Variants in RBM20 observed in about 807,000 individuals in gnomAD.
RBM20 encodes the protein RNA binding motif protein 20.
Under a neutral mutation model 110.1 loss-of-function variants are expected in RBM20, and 51 were observed. The ratio of observed to expected loss-of-function variants is 0.46; its 90% CI spans 0.37 to 0.59. The LOEUF (loss-of-function observed/expected upper bound fraction) is 0.59. Among genes scored for constraint, RBM20 ranks in the 20% least tolerant of loss-of-function variants. RBM20 has a pLI of 0.00. For missense variants in RBM20, 1,512 were observed against 1,574.9 expected (o/e 0.96, Z 0.68); for synonymous variants, 589 against 618.2 (o/e 0.95, Z 0.70).
chr10:110,673,214 T>A (rs4284340), intron 1 of RBM20, among the ~76,000 whole-genome samples: 4,121 of 152,174 alleles, frequency 0.027, 201 homozygotes, highest in African/African-American at 0.094. Context: ...TTTTTTCTTT[T>A]TTTTTCCTTT....
chr10:110,736,506 A>G (rs943041952), intron 1 of RBM20, among the ~76,000 whole-genome samples: 2 of 152,158 alleles, frequency 1.3e-5, no homozygotes, highest in East Asian at 1.9e-4. Flanking sequence ...CTTGGGAGAG[A>G]AAATTTAAAT....
intron 8 of RBM20, 58 bp from the exon 9 acceptor site, chr10:110,812,220 G>C: frequency 7.1e-7 from 1 of 1,406,754 alleles, no homozygotes; most frequent in Non-Finnish European, 9.6e-7. Flanking sequence ...TCTGTGTGTG[G>C]GTGGGGTGGG....
At chr10:110,790,641 C>A (rs190239277) in intron 5 of RBM20, among the ~76,000 whole-genome samples, 34 of 152,304 alleles carry the variant, frequency 2.2e-4, no homozygotes, top group African/African-American at 6.7e-4. Context: ...CAGATAACGT[C>A]ATACAATCTG....
At chr10:110,827,300 G>A (rs1415125672) in intron 12 of RBM20, among the ~76,000 whole-genome samples, 1 of 152,116 alleles carries the variant, frequency 6.6e-6, no homozygotes, top group East Asian at 1.9e-4. Flanking sequence ...AGGATTGCTT[G>A]AACCTGGGAG....
Position 110,737,193 on chromosome 10 carries a change from A to AAAAAAAAAAAC in RBM20, c.192-43604_192-43603insAAAAAACAAAA, listed in dbSNP as rs796374212. On this transcript the variant is annotated intron_variant, in intron 1 of 13. Coordinates refer to ENST00000369519, the MANE Select transcript of RBM20 (RefSeq NM_001134363.3). ...ACTCTGCCTCAAAAAAAAAAAAAAA[A>AAAAAAAAAAAC]AAAACACCCCACACACACACTCAAA... 4.0e-4 allele frequency among the ~76,000 whole-genome samples: 47 copies of AAAAAAAAAAAC among 116,506 alleles called. 2 individuals are homozygous for AAAAAAAAAAAC. Among genetic ancestry groups the AAAAAAAAAAAC allele is most frequent in the East Asian group, 8.0e-4 (3 of 3,754 alleles). 76.4% of individuals were successfully genotyped at this position (116,506 alleles called of 152,430 possible). A position where few individuals can be genotyped will look rare whatever the true frequency, so the allele number is the denominator to read the frequency against.
At chr10:110,677,545 C>T (rs1472016697) in intron 1 of RBM20, among the ~76,000 whole-genome samples, 1 of 152,142 alleles carries the variant, frequency 6.6e-6, no homozygotes. Flanking sequence ...GTCCCTATCT[C>T]CTGACCTCGT....
chr10:110,745,048 G>A (rs930412696), intron 1 of RBM20, among the ~76,000 whole-genome samples: 3 of 152,198 alleles, frequency 2.0e-5, no homozygotes, highest in Non-Finnish European at 4.4e-5. Flanking sequence ...CACTCTCCTC[G>A]TGGTTACTGT....
intron 1 of RBM20, among the ~76,000 whole-genome samples, chr10:110,736,442 A>C (rs750674368): frequency 6.6e-6 from 1 of 152,176 alleles, no homozygotes; most frequent in Admixed American, 6.5e-5. Flanking sequence ...TTTAAATTTT[A>C]TACACTTTTT....
intron 1 of RBM20, among the ~76,000 whole-genome samples, chr10:110,668,616 A>G (rs1320878715): frequency 1.3e-5 from 2 of 152,102 alleles, no homozygotes; most frequent in East Asian, 3.8e-4. Context: ...GGAAAAAAAA[A>G]ACTGAACAAG....
chr10:110,796,781 A>C (rs1230566403), intron 5 of RBM20, among the ~76,000 whole-genome samples: 1 of 152,066 alleles, frequency 6.6e-6, no homozygotes, highest in Non-Finnish European at 1.5e-5. Flanking sequence ...ATATCAGCAC[A>C]TTTACCTCCT....
In RBM20 at chr10:110,675,829, C is replaced by T. The variant is rs1008334822; in HGVS notation, c.191+31184C>T. On this transcript the variant is annotated intron_variant, in intron 1 of 13. Transcript: ENST00000369519. Reference sequence around the variant, plus strand: ...TATGAAAAAGGAAGAATATTTACCTCAGGTTGTTGGGAGCATTAAATGTGA... The same window carrying T: ...TATGAAAAAGGAAGAATATTTACCTTAGGTTGTTGGGAGCATTAAATGTGA... Among the ~76,000 whole-genome samples, 5 of 152,258 alleles carry T rather than the reference C, an allele frequency of 3.3e-5. No individual in the cohort carries two copies. In the Middle Eastern group the frequency reaches 0.01, roughly 311 times the overall value.
rs1312389931 is a variant in RBM20, at chr10:110,821,658, T to A, written c.3039T>A (p.Ser1013Arg). The A allele has an allele frequency of 6.4e-7, 1 of 1,551,700 alleles. No individual in the cohort carries two copies. ...ATGCTGAGCGGAAGCCAGCTGAAAG[T>A]GAGACAGGCCTCTCCCTGGAGGATT... The part of the protein sequence containing the change: ...NLDAERKPAE[S>R]ETGLSLEDSD... Residue 1013 changes from serine to arginine, a missense_variant, in exon 11 of 14, where the codon AGT (serine) becomes AGA (arginine). Transcript: ENST00000369519.
chr10:110,769,503 C>T (rs957796715), intron 1 of RBM20, among the ~76,000 whole-genome samples: 1 of 152,100 alleles, frequency 6.6e-6, no homozygotes, highest in Non-Finnish European at 1.5e-5. Flanking sequence ...GTTCCCTGAA[C>T]CTTGAGTGTT....
intron 1 of RBM20, among the ~76,000 whole-genome samples, chr10:110,672,523 C>A (rs1029916916): frequency 3.9e-5 from 6 of 152,208 alleles, no homozygotes; most frequent in Non-Finnish European, 7.3e-5. Flanking sequence ...AGCCAAAGCC[C>A]CCGGGGCGGT....
chr10:110,767,244 T>G (rs1162889064), intron 1 of RBM20, among the ~76,000 whole-genome samples: 6 of 81,008 alleles, frequency 7.4e-5, no homozygotes, highest in Admixed American at 1.3e-4. Flanking sequence ...CCGGACGGGG[T>G]GGCTGGCCGG....
chr10:110,688,625 A>C (rs1862539895), intron 1 of RBM20, among the ~76,000 whole-genome samples: 1 of 152,236 alleles, frequency 6.6e-6, no homozygotes, highest in African/African-American at 2.4e-5. Context: ...GCATTTAAAA[A>C]AAAAGCACTG....
In RBM20 at chr10:110,668,331, C is replaced by T. The variant is rs140853342; in HGVS notation, c.191+23686C>T. Among the ~76,000 whole-genome samples, 646 of 152,252 alleles carry T rather than the reference C, an allele frequency of 4.2e-3. 3 individuals carry two copies. Among genetic ancestry groups the T allele is most frequent in the African/African-American group, 0.014 (598 of 41,540 alleles). On this transcript the variant is annotated intron_variant, in intron 1 of 13. Transcript: ENST00000369519. ...TGCGTCTTCACCCATCTCAGCTTCA[C>T]TTACTTTGGAAGGTTAAGGTGCAGC... is the stretch of plus-strand genomic sequence containing the variant.
chr10:110,709,751 G>T (rs1020609056), intron 1 of RBM20, among the ~76,000 whole-genome samples: 23 of 151,632 alleles, frequency 1.5e-4, no homozygotes, highest in Admixed American at 5.9e-4. Context: ...TTTTAATTTT[G>T]TAGAGATGGG....
chr10:110,716,738 C>G (rs780584141), intron 1 of RBM20, among the ~76,000 whole-genome samples: 14 of 151,702 alleles, frequency 9.2e-5, no homozygotes, highest in Non-Finnish European at 1.9e-4. Flanking sequence ...AAGGTGAAAC[C>G]CTGTCTCTAC....
Sources: allele counts gnomAD v4.1 joint callset (sites outside exome capture counted in the v4.1 genomes callset), GRCh38; gene constraint gnomAD v4.1.1; transcripts MANE v1.5; gene names NCBI Gene and HGNC (gene_info 2026-07-23, HGNC 2026-07-21).